MAD1L1: variants seen among roughly 807,000 people sequenced by gnomAD.
MAD1L1 encodes mitotic spindle assembly checkpoint protein MAD1.
In MAD1L1, 95 loss-of-function variants were observed where a neutral mutation model predicts 96.9. That is an observed-to-expected ratio of 0.98 (90% CI 0.83 to 1.16). The LOEUF is 1.16. Among genes scored for constraint, MAD1L1 ranks in the 50% most tolerant of loss-of-function variants. The pLI is 0.00. For missense variants in MAD1L1, 1,007 were observed against 954.4 expected (o/e 1.06, Z -0.73); for synonymous variants, 473 against 396.6 (o/e 1.19, Z -2.29).
At chr7:1,906,514 G>A (rs1000809614) in intron 17 of MAD1L1, among the ~76,000 whole-genome samples, 4 of 152,174 alleles carry the variant, frequency 2.6e-5, no homozygotes, top group Non-Finnish European at 4.4e-5. Flanking sequence ...CTTCTCCATC[G>A]CTCCAGTCTC....
At chr7:1,956,045 C>G (rs183349593) in intron 16 of MAD1L1, among the ~76,000 whole-genome samples, 91 of 152,162 alleles carry the variant, frequency 6.0e-4, no homozygotes, top group African/African-American at 2.1e-3. Flanking sequence ...GTGATCCAAG[C>G]AGGGGCCTAG....
chr7:2,160,757 G>C (rs1790066480), intron 10 of MAD1L1, among the ~76,000 whole-genome samples: 1 of 152,080 alleles, frequency 6.6e-6, no homozygotes, highest in African/African-American at 2.4e-5. Flanking sequence ...TGGGATTACA[G>C]GTACCCACTA....
At chr7:1,917,989 G>T (rs1434343530) in intron 17 of MAD1L1, among the ~76,000 whole-genome samples, 1 of 152,156 alleles carries the variant, frequency 6.6e-6, no homozygotes, top group Non-Finnish European at 1.5e-5. Context: ...CTAGATGTGG[G>T]GCTGGGGAGG....
At chr7:1,852,488 C>T (rs994172621) in intron 18 of MAD1L1, among the ~76,000 whole-genome samples, 5 of 152,194 alleles carry the variant, frequency 3.3e-5, no homozygotes, top group Non-Finnish European at 5.9e-5. Context: ...CAATGCCCCG[C>T]TCCCTGGGCG....
chr7:1,994,455 G>T (rs569433217), intron 14 of MAD1L1, among the ~76,000 whole-genome samples: 1 of 152,184 alleles, frequency 6.6e-6, no homozygotes, highest in African/African-American at 2.4e-5. Context: ...GGACATCACC[G>T]TAGGCAGGGC....
chr7:2,037,575 T>C (rs73281376), intron 12 of MAD1L1, among the ~76,000 whole-genome samples: 10,722 of 152,272 alleles, frequency 0.07, 1,223 homozygotes, highest in African/African-American at 0.24. Flanking sequence ...ACTACTGTCA[T>C]TGATTCTGGG....
intron 12 of MAD1L1, among the ~76,000 whole-genome samples, chr7:2,068,227 G>A (rs905925325): frequency 7.2e-5 from 11 of 152,196 alleles, no homozygotes; most frequent in African/African-American, 2.4e-4. Flanking sequence ...CCTGTGTTCC[G>A]GGTGCCCACA....
At chr7:1,952,994 A>G (rs980208018) in intron 16 of MAD1L1, among the ~76,000 whole-genome samples, 1 of 152,132 alleles carries the variant, frequency 6.6e-6, no homozygotes, top group Non-Finnish European at 1.5e-5. Context: ...CGCCAGCACA[A>G]AGGGGGCAGC....
intron 12 of MAD1L1, among the ~76,000 whole-genome samples, chr7:2,015,332 G>A (rs1782488225): frequency 6.6e-6 from 1 of 152,200 alleles, no homozygotes; most frequent in Non-Finnish European, 1.5e-5. Context: ...GCCACACGCA[G>A]ATCCCTACAG....
At chr7:2,060,269 C>T (rs1262894900) in intron 12 of MAD1L1, among the ~76,000 whole-genome samples, 3 of 144,572 alleles carry the variant, frequency 2.1e-5, no homozygotes, top group Non-Finnish European at 3.0e-5. Context: ...CGAGATACGC[C>T]GATGCCGAGA....
chr7:1,886,574 C>T (rs952785757), intron 18 of MAD1L1, among the ~76,000 whole-genome samples: 5 of 152,258 alleles, frequency 3.3e-5, no homozygotes, highest in Non-Finnish European at 5.9e-5. Context: ...GGCTCGCACA[C>T]CACACTGTGT....
intron 18 of MAD1L1, among the ~76,000 whole-genome samples, chr7:1,840,045 C>A (rs1463467178): frequency 6.6e-6 from 1 of 152,242 alleles, no homozygotes; most frequent in Admixed American, 6.5e-5. Flanking sequence ...GGGCATTCCA[C>A]ATGGGCGAGG....
intron 14 of MAD1L1, among the ~76,000 whole-genome samples, chr7:1,997,817 C>T (rs544652931): frequency 2.6e-5 from 4 of 152,234 alleles, no homozygotes; most frequent in Non-Finnish European, 4.4e-5. Context: ...CTCCCCAGGA[C>T]CTCCTCTGAA....
intron 11 of MAD1L1, among the ~76,000 whole-genome samples, chr7:2,144,992 G>A (rs1243150410): frequency 6.6e-6 from 1 of 152,108 alleles, no homozygotes; most frequent in Non-Finnish European, 1.5e-5. Context: ...CACACAGGAG[G>A]CAAGGTTTGG....
intron 16 of MAD1L1, among the ~76,000 whole-genome samples, chr7:1,953,669 C>G (rs1373407295): frequency 1.3e-5 from 2 of 152,268 alleles, no homozygotes; most frequent in Non-Finnish European, 2.9e-5. Flanking sequence ...TGTCAGGAAG[C>G]CCCGCGGCGG....
chr7:1,994,474 C>T (rs77026842), intron 14 of MAD1L1, among the ~76,000 whole-genome samples: 9 of 152,172 alleles, frequency 5.9e-5, no homozygotes, highest in Non-Finnish European at 1.2e-4. Flanking sequence ...GCAGGCCCAT[C>T]GGGCACTGAG....
intron 12 of MAD1L1, among the ~76,000 whole-genome samples, chr7:2,063,239 G>T (rs1435078130): frequency 2.6e-5 from 4 of 152,224 alleles, no homozygotes; most frequent in Non-Finnish European, 5.9e-5. Context: ...GGGTGGGTGG[G>T]ACCTCACTGC....
chr7:1,843,278 G>T (rs11767177), intron 18 of MAD1L1, among the ~76,000 whole-genome samples: 11,852 of 152,214 alleles, frequency 0.078, 655 homozygotes, highest in East Asian at 0.27. Flanking sequence ...AGGTTCTTCG[G>T]CAGTAAATCA....
intron 18 of MAD1L1, among the ~76,000 whole-genome samples, chr7:1,887,217 G>A (rs1160798041): frequency 6.6e-6 from 1 of 152,234 alleles, no homozygotes; most frequent in African/African-American, 2.4e-5. Context: ...CTGTGAGCAT[G>A]TGTGTGTGAG....
Sources: allele counts gnomAD v4.1 joint callset (sites outside exome capture counted in the v4.1 genomes callset), GRCh38; gene constraint gnomAD v4.1.1; transcripts MANE v1.5; gene names NCBI Gene and HGNC (gene_info 2026-07-23, HGNC 2026-07-21).